ATG10: variants seen among roughly 807,000 people sequenced by gnomAD.
ATG10 encodes ubiquitin-like-conjugating enzyme ATG10.
A neutral mutation model predicts 32.1 loss-of-function variants in ATG10; 30 were observed. That is an observed-to-expected ratio of 0.94 (90% CI 0.70 to 1.27). The LOEUF is 1.27. ATG10 is among the 50% of genes most tolerant of loss of function. The probability of loss-of-function intolerance (pLI) is 0.00; values close to 1 mark genes in which losing one functional copy is unlikely to be tolerated. For synonymous variants in ATG10, 87 were observed against 91.5 expected (o/e 0.95, Z 0.28); for missense variants, 233 against 262.3 (o/e 0.89, Z 0.77).
intron 3 of ATG10, among the ~76,000 whole-genome samples, chr5:82,141,659 A>T (rs1767147476): frequency 6.6e-6 from 1 of 152,262 alleles, no homozygotes; most frequent in East Asian, 1.9e-4. Flanking sequence ...ATAAAAAAAA[A>T]AGGAAAATAA....
At chr5:82,080,069 GA>G (rs1380962513) in intron 3 of ATG10, among the ~76,000 whole-genome samples, 10 of 152,210 alleles carry the variant, frequency 6.6e-5, no homozygotes, top group Admixed American at 3.9e-4. Context: ...TAACTGGTGT[GA>G]GATGGTATCT....
intron 2 of ATG10, among the ~76,000 whole-genome samples, chr5:81,998,404 G>A (rs1761731561): frequency 6.6e-6 from 1 of 152,164 alleles, no homozygotes; most frequent in South Asian, 2.1e-4. Flanking sequence ...ATATGGAAAG[G>A]AAAGACTGTT....
intron 3 of ATG10, among the ~76,000 whole-genome samples, chr5:82,145,038 C>T (rs1052640191): frequency 1.3e-5 from 2 of 151,724 alleles, no homozygotes; most frequent in African/African-American, 4.9e-5. Flanking sequence ...TATGAAGTAT[C>T]CCTGTTTATC....
intron 3 of ATG10, among the ~76,000 whole-genome samples, chr5:82,150,920 G>T (rs924271363): frequency 1.3e-5 from 2 of 152,214 alleles, no homozygotes; most frequent in Admixed American, 1.3e-4. Context: ...AAGTTCATCA[G>T]GTGGCCTGTG....
At chr5:82,223,090 G>C (rs549134172) in intron 5 of ATG10, among the ~76,000 whole-genome samples, 2 of 152,160 alleles carry the variant, frequency 1.3e-5, no homozygotes, top group Admixed American at 1.3e-4. Flanking sequence ...AGATGCAGAC[G>C]AGAGATAGCA....
intron 2 of ATG10, among the ~76,000 whole-genome samples, chr5:82,000,577 CT>C (rs1358824956): frequency 6.6e-6 from 1 of 152,206 alleles, no homozygotes; most frequent in East Asian, 1.9e-4. Context: ...CCTATGGTCT[CT>C]GCCCAAAAGC....
intron 5 of ATG10, among the ~76,000 whole-genome samples, chr5:82,227,389 T>A (rs532213807): frequency 1.9e-4 from 29 of 152,082 alleles, no homozygotes; most frequent in African/African-American, 7.0e-4. Flanking sequence ...TTATTATTAT[T>A]TTTTTGAGAT....
intron 5 of ATG10, among the ~76,000 whole-genome samples, chr5:82,179,420 A>C (rs1234034391): frequency 1.3e-5 from 2 of 152,162 alleles, no homozygotes; most frequent in Non-Finnish European, 2.9e-5. Context: ...GGCTTATGTA[A>C]TCTATACTGT....
At chr5:81,981,873 T>A (rs758043961) in intron 1 of ATG10, among the ~76,000 whole-genome samples, 20 of 152,134 alleles carry the variant, frequency 1.3e-4, no homozygotes, top group Non-Finnish European at 2.5e-4. Context: ...TTAAAAAGGA[T>A]CATTTAAACA....
chr5:82,141,866 C>T (rs1366270856), intron 3 of ATG10, among the ~76,000 whole-genome samples: 1 of 151,932 alleles, frequency 6.6e-6, no homozygotes, highest in Non-Finnish European at 1.5e-5. Context: ...AAAAAAATTC[C>T]AGTTGCCCGT....
intron 3 of ATG10, 96 bp from the exon 4 acceptor site, chr5:82,164,301 CTG>C: frequency 8.3e-7 from 1 of 1,209,676 alleles, no homozygotes; most frequent in East Asian, 2.3e-5. Context: ...ATTTATTTAA[CTG>C]TTATTTTGTG....
At chr5:82,162,988 C>A (rs1230366721) in intron 3 of ATG10, among the ~76,000 whole-genome samples, 1 of 151,800 alleles carries the variant, frequency 6.6e-6, no homozygotes, top group African/African-American at 2.4e-5. Flanking sequence ...TTCATTTTTT[C>A]TTTTATGTAC....
intron 5 of ATG10, among the ~76,000 whole-genome samples, chr5:82,203,792 T>C (rs1350163561): frequency 6.6e-6 from 1 of 152,228 alleles, no homozygotes; most frequent in Non-Finnish European, 1.5e-5. Flanking sequence ...GATGTGACTC[T>C]TGTGACTGCT....
At chr5:82,153,835 T>C (rs1482142623) in intron 3 of ATG10, among the ~76,000 whole-genome samples, 1 of 152,140 alleles carries the variant, frequency 6.6e-6, no homozygotes, top group Non-Finnish European at 1.5e-5. Context: ...ATAATATCTA[T>C]TATTGTTATC....
At chr5:82,065,835 A>G (rs1457600987) in intron 3 of ATG10, among the ~76,000 whole-genome samples, 1 of 152,176 alleles carries the variant, frequency 6.6e-6, no homozygotes, top group Admixed American at 6.5e-5. Flanking sequence ...TTTGACGAAA[A>G]TTAACCATTA....
At chr5:81,973,275 G>C (rs909837031) in intron 1 of ATG10, 6 of 152,210 alleles carry the variant, frequency 3.9e-5, no homozygotes, top group Non-Finnish European at 5.9e-5. Flanking sequence ...GACTACAGGT[G>C]CCCGCCACCA....
At chr5:82,056,241 C>T (rs1763590603) in intron 2 of ATG10, among the ~76,000 whole-genome samples, 1 of 152,040 alleles carries the variant, frequency 6.6e-6, no homozygotes, top group South Asian at 2.1e-4. Context: ...TGACAGAAAA[C>T]CCAACCCATT....
chr5:82,077,153 C>A (rs1341497002), intron 3 of ATG10, among the ~76,000 whole-genome samples: 1 of 152,134 alleles, frequency 6.6e-6, no homozygotes, highest in Non-Finnish European at 1.5e-5. Context: ...AAAACCCCAT[C>A]TCTATTTTAA....
At chr5:82,030,540 T>C (rs1421100159) in intron 2 of ATG10, among the ~76,000 whole-genome samples, 1 of 152,214 alleles carries the variant, frequency 6.6e-6, no homozygotes, top group Non-Finnish European at 1.5e-5. Context: ...AACTTCTTAC[T>C]CCTCAGTTTT....
Sources: allele counts gnomAD v4.1 joint callset (sites outside exome capture counted in the v4.1 genomes callset), GRCh38; gene constraint gnomAD v4.1.1; transcripts MANE v1.5; gene names NCBI Gene and HGNC (gene_info 2026-07-23, HGNC 2026-07-21).